SLC24A3: variants seen among roughly 807,000 people sequenced by gnomAD.
The protein encoded by SLC24A3 is solute carrier family 24 member 3, also known as sodium/potassium/calcium exchanger 3.
Under a neutral mutation model 75.8 loss-of-function variants are expected in SLC24A3, and 28 were observed. That is an observed-to-expected ratio of 0.37 (90% CI 0.27 to 0.51). SLC24A3 has a LOEUF of 0.51. Among genes scored for constraint, SLC24A3 ranks in the 20% least tolerant of loss-of-function variants. The pLI is 0.94. For synonymous variants in SLC24A3, 372 were observed against 334.1 expected, an observed-to-expected ratio of 1.11 and a Z score of -1.24; for missense variants, 663 against 847.8, an observed-to-expected ratio of 0.78 and a Z score of 2.71.
chr20:19,709,731 A>G (rs1447868623), intron 15 of SLC24A3, among the ~76,000 whole-genome samples: 1 of 152,156 alleles, frequency 6.6e-6, no homozygotes. Context: ...GAGTACAACA[A>G]AAAGTGAGAA....
intron 2 of SLC24A3, among the ~76,000 whole-genome samples, chr20:19,402,971 G>A (rs568586402): frequency 2.2e-4 from 34 of 152,246 alleles, no homozygotes; most frequent in African/African-American, 8.2e-4. Flanking sequence ...CTGAATTTTT[G>A]AATTTTATTA....
In SLC24A3 at chr20:19,661,536, G is replaced by T. The variant is rs1367864020; in HGVS notation, c.688-4328G>T. On this transcript the variant is annotated intron_variant, in intron 7 of 16. Transcript: ENST00000328041. The stretch of plus-strand genomic sequence containing the variant: ...ATTGAGTGGGAAAAGTCTACGGGGG[G>T]CTGTTTTCTTTGCAGCAAGGAAGGA... 3.3e-5 allele frequency among the ~76,000 whole-genome samples: 5 copies of T among 152,174 alleles called. 1 individual carries two copies. Among genetic ancestry groups the T allele is most frequent in the African/African-American group, 1.2e-4 (5 of 41,440 alleles).
At chr20:19,687,777 C>G (rs1304391850) in intron 12 of SLC24A3, among the ~76,000 whole-genome samples, 1 of 152,170 alleles carries the variant, frequency 6.6e-6, no homozygotes, top group African/African-American at 2.4e-5. Context: ...TTCCGTATTT[C>G]TCTCCTGGAT....
In SLC24A3 at chr20:19,355,753, G is replaced by A. The variant is rs139444481; in HGVS notation, c.271+74666G>A. 1.5e-3 allele frequency among the ~76,000 whole-genome samples: 236 copies of A among 152,316 alleles called. 7 individuals carry two copies. The East Asian group carries it at 0.035, about 22-fold the overall frequency. On this transcript the variant is annotated intron_variant, in intron 2 of 16. Coordinates refer to ENST00000328041, the MANE Select transcript of SLC24A3 (RefSeq NM_020689.4). Reference sequence around the variant, plus strand: ...CACATTAGTGGCAAGATCTGGTAGTGAGCCTAATAACTCCTGTCAGTTTGA... The same window carrying A: ...CACATTAGTGGCAAGATCTGGTAGTAAGCCTAATAACTCCTGTCAGTTTGA...
At chr20:19,662,398 G>T (rs763415288) in intron 7 of SLC24A3, among the ~76,000 whole-genome samples, 1 of 152,256 alleles carries the variant, frequency 6.6e-6, no homozygotes, top group Admixed American at 6.5e-5. Context: ...CCTGCCCCTG[G>T]AACACCACCT....
intron 3 of SLC24A3, among the ~76,000 whole-genome samples, chr20:19,532,124 A>G (rs903093130): frequency 1.3e-5 from 2 of 152,200 alleles, no homozygotes; most frequent in Non-Finnish European, 2.9e-5. Flanking sequence ...AGCAGTGGAC[A>G]TGTTGTTTGA....
chr20:19,461,506 C>T (rs572444884), intron 2 of SLC24A3, among the ~76,000 whole-genome samples: 2 of 150,134 alleles, frequency 1.3e-5, no homozygotes, highest in Admixed American at 6.6e-5. Context: ...TACTTGTCTA[C>T]GTCCTTTTCT....
intron 2 of SLC24A3, among the ~76,000 whole-genome samples, chr20:19,343,088 A>AAAAG (rs1568594821): frequency 5.4e-5 from 8 of 147,240 alleles, no homozygotes; most frequent in African/African-American, 2.1e-4. Context: ...AAAAAAAGAA[A>AAAAG]AAAGAAAAAG....
intron 6 of SLC24A3, among the ~76,000 whole-genome samples, chr20:19,633,810 G>A (rs987321176): frequency 2.0e-5 from 3 of 152,112 alleles, no homozygotes; most frequent in Non-Finnish European, 4.4e-5. Flanking sequence ...TGGGCTGGGG[G>A]AAAGGCACAA....
intron 8 of SLC24A3, among the ~76,000 whole-genome samples, chr20:19,666,097 G>A (rs530609203): frequency 3.3e-5 from 5 of 152,066 alleles, no homozygotes; most frequent in Non-Finnish European, 5.9e-5. Context: ...GGCTAGAGTG[G>A]TGGGGTTCTA....
At chr20:19,360,072 G>A (rs943510153) in intron 2 of SLC24A3, among the ~76,000 whole-genome samples, 1 of 152,290 alleles carries the variant, frequency 6.6e-6, no homozygotes, top group African/African-American at 2.4e-5. Flanking sequence ...GAAGCCATAG[G>A]CATGAATGGA....
intron 3 of SLC24A3, among the ~76,000 whole-genome samples, chr20:19,531,090 A>G (rs1047152663): frequency 2.7e-5 from 4 of 150,890 alleles, no homozygotes; most frequent in Admixed American, 2.6e-4. Flanking sequence ...AGTCACACCA[A>G]TTCTGAACCT....
At chr20:19,577,523 A>G (rs988427421) in intron 3 of SLC24A3, among the ~76,000 whole-genome samples, 19 of 152,210 alleles carry the variant, frequency 1.2e-4, no homozygotes, top group Admixed American at 1.2e-3. Flanking sequence ...CCCATCACCT[A>G]CAAAAGTTAC....
intron 9 of SLC24A3, among the ~76,000 whole-genome samples, chr20:19,680,152 CTG>C (rs927588904): frequency 2.1e-5 from 3 of 142,162 alleles, no homozygotes; most frequent in African/African-American, 7.9e-5. Flanking sequence ...CTGTGTGTGT[CTG>C]TGTGTGTCTG....
At chr20:19,406,014 A>G (rs1986637579) in intron 2 of SLC24A3, among the ~76,000 whole-genome samples, 1 of 152,162 alleles carries the variant, frequency 6.6e-6, no homozygotes, top group Non-Finnish European at 1.5e-5. Context: ...ATGATTTTGA[A>G]TTGCTTCATG....
chr20:19,233,896 A>G (rs755639907), intron 1 of SLC24A3, among the ~76,000 whole-genome samples: 1 of 152,184 alleles, frequency 6.6e-6, no homozygotes, highest in African/African-American at 2.4e-5. Flanking sequence ...GGGAGCATTT[A>G]TGCTAAATTG....
chr20:19,632,230 G>A (rs909862042), intron 6 of SLC24A3, among the ~76,000 whole-genome samples: 1 of 152,176 alleles, frequency 6.6e-6, no homozygotes, highest in Admixed American at 6.5e-5. Flanking sequence ...AGGTGTATTA[G>A]CTTCCTATCA....
At chr20:19,659,595 C>T (rs144179842) in intron 7 of SLC24A3, among the ~76,000 whole-genome samples, 5 of 152,302 alleles carry the variant, frequency 3.3e-5, no homozygotes, top group African/African-American at 4.8e-5. Context: ...GTTTAATACT[C>T]GTGACTATGC....
intron 2 of SLC24A3, among the ~76,000 whole-genome samples, chr20:19,510,668 C>A (rs1164318196): frequency 1.3e-5 from 2 of 152,150 alleles, no homozygotes; most frequent in Non-Finnish European, 2.9e-5. Context: ...GAGGAAGAGA[C>A]CAGAGTTTAC....
Sources: gnomAD v4.1 joint callset for allele counts (sites outside exome capture counted in the v4.1 genomes callset) on GRCh38, gnomAD v4.1.1 for gene constraint, MANE v1.5 for transcripts, NCBI Gene and HGNC (gene_info 2026-07-23, HGNC 2026-07-21) for gene names.